The following EPHA3 variants were observed in gnomAD, a reference collection of about 807,000 sequenced individuals.
EPHA3 encodes the protein EPH receptor A3.
In EPHA3, 42 loss-of-function variants were observed where a neutral mutation model predicts 107.1. The observed-to-expected ratio is 0.39, with a 90% CI of 0.31 to 0.51. EPHA3 has a LOEUF of 0.51. Among genes scored for constraint, EPHA3 ranks in the 20% least tolerant of loss-of-function variants. The pLI is 0.78. For synonymous variants in EPHA3, 461 were observed against 424.8 expected, an observed-to-expected ratio of 1.09 and a Z score of -1.05; for missense variants, 1,183 against 1,211.2, an observed-to-expected ratio of 0.98 and a Z score of 0.35.
chr3:89,367,729 C>A (rs188423314), intron 5 of EPHA3, among the ~76,000 whole-genome samples: 5 of 150,644 alleles, frequency 3.3e-5, no homozygotes, highest in African/African-American at 1.2e-4. Context: ...AATTTGGTAA[C>A]CTTCACCTAA....
At chr3:89,404,867 CT>C (rs1404741310) in intron 7 of EPHA3, among the ~76,000 whole-genome samples, 1 of 152,102 alleles carries the variant, frequency 6.6e-6, no homozygotes, top group Non-Finnish European at 1.5e-5. Context: ...AACCTTGCTG[CT>C]TTCTATAAAT....
intron 3 of EPHA3, among the ~76,000 whole-genome samples, chr3:89,228,895 A>G (rs1398112774): frequency 6.6e-6 from 1 of 151,940 alleles, no homozygotes; most frequent in Non-Finnish European, 1.5e-5. Context: ...AAGGCAGTAC[A>G]TGAGCTTTTG....
At chr3:89,253,949 A>C (rs1044764418) in intron 3 of EPHA3, among the ~76,000 whole-genome samples, 4 of 152,042 alleles carry the variant, frequency 2.6e-5, no homozygotes, top group Non-Finnish European at 5.9e-5. Flanking sequence ...TTAGGGCATA[A>C]AAAAATCAGA....
At chr3:89,392,330 T>G (rs1489921216) in intron 5 of EPHA3, among the ~76,000 whole-genome samples, 1 of 151,958 alleles carries the variant, frequency 6.6e-6, no homozygotes, top group African/African-American at 2.4e-5. Flanking sequence ...TCCCAGCTAC[T>G]TGGGAGGCTG....
intron 2 of EPHA3, among the ~76,000 whole-genome samples, chr3:89,143,140 C>T (rs1270946981): frequency 6.6e-5 from 10 of 151,152 alleles, no homozygotes; most frequent in Non-Finnish European, 1.0e-4. Context: ...GAATTCTGCA[C>T]GATACCTACA....
intron 7 of EPHA3, among the ~76,000 whole-genome samples, chr3:89,406,696 A>G (rs1576362709): frequency 6.6e-6 from 1 of 152,150 alleles, no homozygotes; most frequent in East Asian, 1.9e-4. Context: ...AAAACAGGGG[A>G]CGGGCAAGAT....
chr3:89,354,277 T>C (rs1156745803), intron 5 of EPHA3, among the ~76,000 whole-genome samples: 2 of 151,242 alleles, frequency 1.3e-5, no homozygotes, highest in African/African-American at 2.4e-5. Flanking sequence ...ATTTAATAAA[T>C]GCAAGTATTT....
intron 5 of EPHA3, among the ~76,000 whole-genome samples, chr3:89,347,588 T>C (rs1707701684): frequency 1.3e-5 from 2 of 150,066 alleles, no homozygotes; most frequent in African/African-American, 2.5e-5. Flanking sequence ...CCTCTTTTCC[T>C]AATTGAATAC....
chr3:89,350,378 C>T (rs1225859859), intron 5 of EPHA3, among the ~76,000 whole-genome samples: 89 of 151,372 alleles, frequency 5.9e-4, no homozygotes, highest in Non-Finnish European at 9.8e-4. Flanking sequence ...CATCTTCCAT[C>T]ACTGATACCC....
At chr3:89,268,817 C>A (rs1167232526) in intron 3 of EPHA3, among the ~76,000 whole-genome samples, 1 of 151,430 alleles carries the variant, frequency 6.6e-6, no homozygotes, top group Non-Finnish European at 1.5e-5. Context: ...ATTATTTTCA[C>A]AAAGTGCTAT....
rs2107555019 is a variant in EPHA3 at position 89,450,232 on chromosome 3, C to T, written c.2552C>T (p.Ala851Val). 1.2e-6 allele frequency: 2 copies of T among 1,613,678 alleles called. No individual in the cohort carries two copies. The highest frequency in any genetic ancestry group is 1.7e-6 in the Non-Finnish European group (2 of 1,179,820). Reference protein sequence around the residue: ...YRLPPPMDCPAALYQLMLDCW... With the variant: ...YRLPPPMDCPVALYQLMLDCW... ...CTGCCACCCCCCATGGACTGCCCAG[C>T]TGCCTTGTATCAGCTGATGCTGGAC... Residue 851 changes from alanine to valine, a missense_variant, in exon 15 of 17, where the codon GCT becomes GTT. Physicochemically the swap from Ala to Val is moderately conservative, Grantham distance 64. Transcript: ENST00000336596.
intron 3 of EPHA3, among the ~76,000 whole-genome samples, chr3:89,335,251 T>A (rs1013265735): frequency 6.6e-6 from 1 of 152,176 alleles, no homozygotes; most frequent in Non-Finnish European, 1.5e-5. Context: ...TGAAGACTTA[T>A]TTCCGGGTTC....
At chr3:89,150,309 G>A (rs759137959) in intron 2 of EPHA3, among the ~76,000 whole-genome samples, 7 of 151,934 alleles carry the variant, frequency 4.6e-5, no homozygotes, top group Non-Finnish European at 1.0e-4. Context: ...TAGAAGTAAA[G>A]TCAACATGGT....
chr3:89,427,521 A>G (rs1375581622), intron 11 of EPHA3, among the ~76,000 whole-genome samples: 8 of 151,954 alleles, frequency 5.3e-5, no homozygotes, highest in Non-Finnish European at 1.2e-4. Context: ...TACTCGGTTA[A>G]TACTCAACTC....
chr3:89,127,154 AAATAGAAATAATTCACTGTTATT>A (rs778918699), intron 1 of EPHA3, 32 bp from the exon 2 acceptor site: 17 of 1,383,006 alleles, frequency 1.2e-5, no homozygotes, highest in Non-Finnish European at 1.7e-5. Context: ...CAACAGAAGC[AAATAGAAATAATTCACTGTTATT>A]AACTGTGTTT....
rs560603861 is a variant in EPHA3 at position 89,481,750 on chromosome 3, C to T, written c.*2248C>T. 75 of 231,574 alleles carry T rather than the reference C, an allele frequency of 3.2e-4. No homozygotes were observed. Among genetic ancestry groups the T allele is most frequent in the African/African-American group, 4.9e-4 (22 of 45,326 alleles). 14.3% of individuals were successfully genotyped at this position (231,574 alleles called of 1,614,324 possible). ...CTGTACATATGTAAACATAAGTGTA[C>T]GATTCTTAACCATGGAGTAGAGGTA... On this transcript the variant is annotated 3_prime_UTR_variant, in exon 17 of 17. Transcript: ENST00000336596.
chr3:89,145,191 T>C (rs1482918852), intron 2 of EPHA3, among the ~76,000 whole-genome samples: 6 of 151,712 alleles, frequency 4.0e-5, no homozygotes, highest in Admixed American at 2.6e-4. Flanking sequence ...CTCAAAACTT[T>C]GCTGCTAATG....
At chr3:89,224,410 T>C (rs1056832087) in intron 3 of EPHA3, among the ~76,000 whole-genome samples, 5 of 152,216 alleles carry the variant, frequency 3.3e-5, no homozygotes, top group Non-Finnish European at 7.3e-5. Flanking sequence ...TTGCCTTGTA[T>C]CAGTTTACCT....
intron 5 of EPHA3, among the ~76,000 whole-genome samples, chr3:89,392,254 A>G (rs1708758851): frequency 4.6e-5 from 7 of 152,164 alleles, no homozygotes; most frequent in Admixed American, 4.6e-4. Context: ...AGCCTTGCCA[A>G]CATGCGAAAC....
Sources: gnomAD v4.1 joint callset for allele counts (sites outside exome capture counted in the v4.1 genomes callset) on GRCh38, gnomAD v4.1.1 for gene constraint, MANE v1.5 for transcripts, NCBI Gene and HGNC (gene_info 2026-07-23, HGNC 2026-07-21) for gene names.